LRRC4C: variants seen among roughly 807,000 people sequenced by gnomAD.
The protein encoded by LRRC4C is leucine-rich repeat-containing protein 4C.
In LRRC4C, 5 loss-of-function variants were observed where a neutral mutation model predicts 33.6. The observed-to-expected ratio is 0.15, with a 90% CI of 0.08 to 0.31. The LOEUF is 0.31. Among genes scored for constraint, LRRC4C ranks in the 10% least tolerant of loss-of-function variants. The pLI, the probability that LRRC4C is intolerant of heterozygous loss-of-function variation, is 1.00. For synonymous variants in LRRC4C, 329 were observed against 302.0 expected (o/e 1.09, Z -0.93); for missense variants, 560 against 796.7 (o/e 0.70, Z 3.58).
intron 1 of LRRC4C, among the ~76,000 whole-genome samples, chr11:41,176,991 AC>A (rs1945231468): frequency 6.7e-6 from 1 of 149,942 alleles, no homozygotes; most frequent in Non-Finnish European, 1.5e-5. Flanking sequence ...ACAAAACAAA[AC>A]AAAACAAAAC....
intron 2 of LRRC4C, among the ~76,000 whole-genome samples, chr11:40,653,000 C>T (rs1444682926): frequency 1.3e-5 from 2 of 152,166 alleles, no homozygotes; most frequent in Non-Finnish European, 2.9e-5. Context: ...CATTCTCTCT[C>T]CAGCCACCCT....
At chr11:40,241,341 C>CA (rs1865913043) in intron 5 of LRRC4C, among the ~76,000 whole-genome samples, 178 bp downstream of exon 5, 1 of 152,078 alleles carries the variant, frequency 6.6e-6, no homozygotes, top group African/African-American at 2.4e-5. Context: ...ATAATGGCAC[C>CA]ACTGCACTTC....
intron 4 of LRRC4C, among the ~76,000 whole-genome samples, chr11:40,258,232 T>A (rs373078463): frequency 2.0e-4 from 31 of 152,282 alleles, no homozygotes; most frequent in African/African-American, 5.8e-4. Flanking sequence ...TTGGATCCAA[T>A]CTAAATGCTC....
At chr11:40,129,231 TAGC>T (rs1334559416) in intron 6 of LRRC4C, among the ~76,000 whole-genome samples, 1 of 152,198 alleles carries the variant, frequency 6.6e-6, no homozygotes, top group East Asian at 1.9e-4. Context: ...CCCATTCACA[TAGC>T]AGGAATTTCA....
intron 3 of LRRC4C, among the ~76,000 whole-genome samples, chr11:40,629,654 T>C (rs1310909160): frequency 1.3e-5 from 2 of 152,156 alleles, no homozygotes; most frequent in African/African-American, 4.8e-5. Flanking sequence ...ATTAAGAACA[T>C]TGAGTATAGG....
intron 2 of LRRC4C, among the ~76,000 whole-genome samples, chr11:40,860,760 G>C (rs1954047620): frequency 7.9e-6 from 1 of 126,298 alleles, no homozygotes; most frequent in Non-Finnish European, 1.6e-5. Flanking sequence ...ATATTCTGAT[G>C]TTCCAGGGCT....
intron 2 of LRRC4C, among the ~76,000 whole-genome samples, chr11:40,706,343 G>C (rs935894393): frequency 6.6e-6 from 1 of 152,034 alleles, no homozygotes; most frequent in African/African-American, 2.4e-5. Context: ...ATGGTTTTAG[G>C]GCTAACATTT....
At chr11:41,274,709 TTGTGGAAG>T (rs1236388023) in intron 1 of LRRC4C, among the ~76,000 whole-genome samples, 4 of 152,066 alleles carry the variant, frequency 2.6e-5, no homozygotes, top group Non-Finnish European at 2.9e-5. Context: ...CCCTTCCATA[TTGTGGAAG>T]CTTTGTTCTT....
intron 1 of LRRC4C, among the ~76,000 whole-genome samples, chr11:41,358,169 A>T (rs1409877260): frequency 6.6e-6 from 1 of 152,144 alleles, no homozygotes; most frequent in Non-Finnish European, 1.5e-5. Context: ...GCTTTTTGAA[A>T]TGATGCTCAA....
chr11:40,375,943 T>A (rs537831860), intron 3 of LRRC4C, among the ~76,000 whole-genome samples: 7 of 152,292 alleles, frequency 4.6e-5, no homozygotes, highest in Non-Finnish European at 1.0e-4. Context: ...ATAATACAAG[T>A]AATTAACTTA....
At chr11:40,176,554 T>G (rs983806508) in intron 5 of LRRC4C, among the ~76,000 whole-genome samples, 2 of 151,770 alleles carry the variant, frequency 1.3e-5, no homozygotes, top group Non-Finnish European at 2.9e-5. Flanking sequence ...TTTTTTTTTT[T>G]TAAGAGACAG....
intron 1 of LRRC4C, among the ~76,000 whole-genome samples, chr11:41,057,790 A>C (rs2135338200): frequency 6.6e-6 from 1 of 152,180 alleles, no homozygotes; most frequent in South Asian, 2.1e-4. Context: ...CTGCACAGAT[A>C]ATGGGACAAC....
At chr11:40,819,807 A>C (rs546450964) in intron 2 of LRRC4C, among the ~76,000 whole-genome samples, 1 of 151,778 alleles carries the variant, frequency 6.6e-6, no homozygotes, top group African/African-American at 2.4e-5. Flanking sequence ...GGTTAAGCAT[A>C]ATTTCTGATC....
intron 1 of LRRC4C, among the ~76,000 whole-genome samples, chr11:40,946,728 G>T (rs1245300640): frequency 6.6e-6 from 1 of 152,100 alleles, no homozygotes; most frequent in Non-Finnish European, 1.5e-5. Context: ...AAGTAACAAA[G>T]AAATTATGGA....
In LRRC4C at chr11:40,927,147, G is replaced by A. The variant is rs190954533; in HGVS notation, c.-407+6488C>T. Among the ~76,000 whole-genome samples, 704 of 152,208 alleles carry A rather than the reference G, an allele frequency of 4.6e-3. 10 individuals are homozygous for A. Among genetic ancestry groups the A allele is most frequent in the South Asian group, 0.044 (210 of 4,818 alleles). ...TCCCAGCACTTTGGGAGGCTGAGGC[G>A]GGTGGACCATGAGGTCAGGAGTTCG... On this transcript the variant is annotated intron_variant, in intron 2 of 6. Coordinates refer to ENST00000528697, the MANE Select transcript of LRRC4C (RefSeq NM_001258419.2).
At chr11:40,740,627 G>A (rs974057304) in intron 2 of LRRC4C, among the ~76,000 whole-genome samples, 1 of 151,940 alleles carries the variant, frequency 6.6e-6, no homozygotes, top group African/African-American at 2.4e-5. Flanking sequence ...GTGCAGAAAC[G>A]TTTTAGTTTT....
intron 2 of LRRC4C, among the ~76,000 whole-genome samples, chr11:40,741,076 C>T (rs1381070185): frequency 2.0e-5 from 3 of 151,954 alleles, no homozygotes; most frequent in Middle Eastern, 3.2e-3. Flanking sequence ...ATTCAACAAA[C>T]ATTTAAATGT....
At chr11:40,301,870 CA>C (rs1944789282) in intron 4 of LRRC4C, among the ~76,000 whole-genome samples, 2 of 152,046 alleles carry the variant, frequency 1.3e-5, no homozygotes, top group African/African-American at 2.4e-5. Flanking sequence ...TTTTAAGAGA[CA>C]AAAATGACTC....
rs535414765 is a variant in LRRC4C at position 40,976,628 on chromosome 11, A to T, written c.-495-42905T>A. 7.2e-4 allele frequency among the ~76,000 whole-genome samples: 110 copies of T among 152,334 alleles called. No individual in the cohort carries two copies. The South Asian group carries it at 0.013, about 18-fold the overall frequency. ...TTGGTATGGAGTCCAACATCTAACA[A>T]AATGTGATTTTTGTGGAATGGCAGA... On this transcript the variant is annotated intron_variant, in intron 1 of 6. Coordinates refer to ENST00000528697, the MANE Select transcript of LRRC4C (RefSeq NM_001258419.2).
Sources: allele counts gnomAD v4.1 joint callset (sites outside exome capture counted in the v4.1 genomes callset), GRCh38; gene constraint gnomAD v4.1.1; transcripts MANE v1.5; gene names NCBI Gene and HGNC (gene_info 2026-07-23, HGNC 2026-07-21).